Variants in TUSC3 observed in about 807,000 individuals in gnomAD.
The protein encoded by TUSC3 is tumor suppressor candidate 3.
A neutral mutation model predicts 44.8 loss-of-function variants in TUSC3; 45 were observed. The observed-to-expected ratio is 1.00, with a 90% CI of 0.79 to 1.29. The LOEUF is 1.29. Ranked by LOEUF, TUSC3 falls within the 50% of genes most tolerant of loss-of-function variation. TUSC3 has a pLI of 0.00. For synonymous variants in TUSC3, 212 were observed against 152.9 expected, an observed-to-expected ratio of 1.39 and a Z score of -2.85; for missense variants, 519 against 437.9, an observed-to-expected ratio of 1.19 and a Z score of -1.65.
chr8:15,517,090 C>G (rs1801226759), intron 2 of TUSC3, among the ~76,000 whole-genome samples: 1 of 152,152 alleles, frequency 6.6e-6, no homozygotes, highest in Non-Finnish European at 1.5e-5. Flanking sequence ...TCAATAGCTG[C>G]ATTTTCAATG....
chr8:15,733,366 C>G, intron 7 of TUSC3: 1 of 368,194 alleles, frequency 2.7e-6, no homozygotes, highest in Non-Finnish European at 5.2e-6. Context: ...TTTTTTTTTC[C>G]TAACTTGTTT....
chr8:15,467,875 C>G (rs1396856844), intron 1 of TUSC3, among the ~76,000 whole-genome samples: 1 of 152,090 alleles, frequency 6.6e-6, no homozygotes, highest in African/African-American at 2.4e-5. Flanking sequence ...CTCTAATATT[C>G]TACTTAGAAT....
rs199743307 is a variant in TUSC3, at chr8:15,521,798, A to C, written n.189+38315A>C. Among the ~76,000 whole-genome samples, 416 of 152,180 alleles carry C rather than the reference A, an allele frequency of 2.7e-3. 2 individuals are homozygous for C. The highest frequency in any genetic ancestry group is 5.6e-3 in the South Asian group (27 of 4,820). ...ATTTGGCCATTGGCTCCTCTTTCTTATTGGTCCTTTTCACTATTGGTCAAG... is the reference window on the plus strand; with the variant it reads ...ATTTGGCCATTGGCTCCTCTTTCTTCTTGGTCCTTTTCACTATTGGTCAAG... On this transcript the variant is annotated intron_variant and non_coding_transcript_variant, in intron 2 of 5. Transcript: ENST00000503191.
At chr8:15,841,607 G>A in the TUSC3 span, among the ~76,000 whole-genome samples, 4 of 152,018 alleles carry the variant, frequency 2.6e-5, no homozygotes, top group Non-Finnish European at 5.9e-5. Context: ...CCTGCCTCCC[G>A]GGTTCAAGCG....
chr8:15,433,069 C>T (rs1799890620), intron 1 of TUSC3, among the ~76,000 whole-genome samples: 1 of 152,192 alleles, frequency 6.6e-6, no homozygotes, highest in Non-Finnish European at 1.5e-5. Context: ...AGTCTCATGA[C>T]CCAATCTCCA....
intron 1 of TUSC3, among the ~76,000 whole-genome samples, chr8:15,582,432 A>G (rs190029694): frequency 6.6e-6 from 1 of 152,334 alleles, no homozygotes; most frequent in East Asian, 1.9e-4. Context: ...GAAGATACGT[A>G]CCTTCATGCT....
chr8:15,622,054 CT>C (rs1250124419), intron 1 of TUSC3, among the ~76,000 whole-genome samples: 3 of 152,130 alleles, frequency 2.0e-5, no homozygotes, highest in Non-Finnish European at 2.9e-5. Context: ...CTGTGAGCCA[CT>C]TTTCCTTTTT....
chr8:15,826,116 A>C, the TUSC3 span, among the ~76,000 whole-genome samples: 1 of 152,068 alleles, frequency 6.6e-6, no homozygotes, highest in Non-Finnish European at 1.5e-5. Flanking sequence ...CCAGTGCATA[A>C]ATATGATGCA....
intron 1 of TUSC3, among the ~76,000 whole-genome samples, chr8:15,451,292 G>A (rs1800194836): frequency 6.6e-6 from 1 of 152,136 alleles, no homozygotes; most frequent in Admixed American, 6.5e-5. Flanking sequence ...AGTAATAAGT[G>A]TGTTTCTGTA....
intron 1 of TUSC3, among the ~76,000 whole-genome samples, chr8:15,574,970 T>C (rs1009502035): frequency 1.3e-5 from 2 of 152,146 alleles, no homozygotes; most frequent in African/African-American, 4.8e-5. Flanking sequence ...TGAAGGAGAA[T>C]AGAGAGTTTA....
chr8:15,535,109 C>G (rs1239055056), intron 2 of TUSC3, among the ~76,000 whole-genome samples: 1 of 152,144 alleles, frequency 6.6e-6, no homozygotes, highest in Non-Finnish European at 1.5e-5. Context: ...TAAATTATCA[C>G]TGTTTGTATG....
At chr8:15,426,079 A>G (rs1799800025) in intron 1 of TUSC3, among the ~76,000 whole-genome samples, 1 of 152,216 alleles carries the variant, frequency 6.6e-6, no homozygotes, top group African/African-American at 2.4e-5. Context: ...CTTTATTTTT[A>G]ACAGCTGTAT....
intron 1 of TUSC3, among the ~76,000 whole-genome samples, chr8:15,554,968 A>C (rs1165592637): frequency 1.3e-5 from 2 of 151,372 alleles, no homozygotes; most frequent in African/African-American, 4.8e-5. Flanking sequence ...GAAAGCAATG[A>C]AGCGCTGCTA....
At chr8:15,503,578 C>T (rs1051692671) in intron 2 of TUSC3, among the ~76,000 whole-genome samples, 19 of 152,138 alleles carry the variant, frequency 1.2e-4, no homozygotes, top group Non-Finnish European at 4.4e-5. Flanking sequence ...GTGGCTCACA[C>T]CTGTAGCCCC....
intron 1 of TUSC3, among the ~76,000 whole-genome samples, chr8:15,428,884 G>A (rs1799837435): frequency 1.3e-5 from 2 of 152,108 alleles, no homozygotes; most frequent in African/African-American, 4.8e-5. Flanking sequence ...TTTGTCAGAT[G>A]AGTAGGTTGC....
intron 6 of TUSC3, among the ~76,000 whole-genome samples, chr8:15,713,370 C>G (rs1190730874): frequency 6.6e-6 from 1 of 152,074 alleles, no homozygotes; most frequent in Non-Finnish European, 1.5e-5. Flanking sequence ...AAAGTAAAAT[C>G]TAAGCATAGT....
At chr8:15,736,615 CATGTA>C (rs1810948955) in intron 7 of TUSC3, among the ~76,000 whole-genome samples, 1 of 152,086 alleles carries the variant, frequency 6.6e-6, no homozygotes, top group South Asian at 2.1e-4. Flanking sequence ...ATAAAACAGA[CATGTA>C]ATTACAAGTA....
intron 1 of TUSC3, among the ~76,000 whole-genome samples, chr8:15,425,912 A>T (rs1799797860): frequency 6.6e-6 from 1 of 152,194 alleles, no homozygotes; most frequent in African/African-American, 2.4e-5. Context: ...ACACTTTGGG[A>T]GGCCAAGGTG....
At chr8:15,622,946 T>A in intron 1 of TUSC3, 134 bp from the exon 2 acceptor site, 1 of 915,222 alleles carries the variant, frequency 1.1e-6, no homozygotes. Flanking sequence ...GGAGCAGAAA[T>A]ATGGTCTTTT....
Sources: allele counts gnomAD v4.1 joint callset (sites outside exome capture counted in the v4.1 genomes callset), GRCh38; gene constraint gnomAD v4.1.1; transcripts MANE v1.5; gene names NCBI Gene and HGNC (gene_info 2026-07-23, HGNC 2026-07-21).